TENM2: variants seen among roughly 807,000 people sequenced by gnomAD.
TENM2 encodes teneurin-2.
TENM2 carries 52 observed loss-of-function variants against 245.2 expected under a neutral mutation model. The ratio of observed to expected loss-of-function variants is 0.21; its 90% CI spans 0.17 to 0.27. The LOEUF is 0.27. Among genes scored for constraint, TENM2 ranks in the 10% least tolerant of loss-of-function variants. The pLI is 1.00. For synonymous variants in TENM2, 1,363 were observed against 1,438.9 expected (o/e 0.95, Z 1.19); for missense variants, 3,046 against 3,666.8 (o/e 0.83, Z 4.37).
rs564465023 is a variant in TENM2 at position 167,930,759 on chromosome 5, A to AT, written c.713-21817dup. On this transcript the variant is annotated intron_variant, in intron 3 of 28. Transcript: ENST00000518659. ...GAGTGAATCATTTCTAAAGAAGAGA[A>AT]TTTTTTTTTTTTAAAAAAGCATGAT... Among the ~76,000 whole-genome samples, 93 of 145,754 alleles carry AT rather than the reference A, an allele frequency of 6.4e-4. 1 individual carries two copies. The East Asian group carries it at 0.012, about 19-fold the overall frequency.
At chr5:167,888,488 T>G (rs1774476412) in intron 3 of TENM2, among the ~76,000 whole-genome samples, 1 of 151,178 alleles carries the variant, frequency 6.6e-6, no homozygotes, top group South Asian at 2.1e-4. Context: ...AAAAAAAAAG[T>G]GGAGGCAGAC....
intron 1 of TENM2, chr5:167,306,403 A>C (rs1211607615): frequency 6.6e-6 from 1 of 152,002 alleles, no homozygotes; most frequent in African/African-American, 2.4e-5. Flanking sequence ...AGTCATCCTT[A>C]GGGGACGATG....
the TENM2 span, among the ~76,000 whole-genome samples, chr5:167,146,081 G>C: frequency 6.6e-6 from 1 of 152,108 alleles, no homozygotes; most frequent in Admixed American, 6.5e-5. Context: ...GCTGCTTTTG[G>C]AACAAAGGCA....
the TENM2 span, among the ~76,000 whole-genome samples, chr5:167,099,097 T>C: frequency 1.3e-5 from 2 of 152,248 alleles, no homozygotes; most frequent in Non-Finnish European, 2.9e-5. Context: ...GTGTGGAATA[T>C]GAAGCCTGAC....
At chr5:167,675,632 T>C (rs1756265366) in intron 2 of TENM2, among the ~76,000 whole-genome samples, 1 of 152,088 alleles carries the variant, frequency 6.6e-6, no homozygotes, top group African/African-American at 2.4e-5. Flanking sequence ...TCTTGCACAG[T>C]GGATAAGGAG....
intron 3 of TENM2, among the ~76,000 whole-genome samples, chr5:167,949,946 T>A (rs1779947847): frequency 6.6e-6 from 1 of 152,212 alleles, no homozygotes; most frequent in Non-Finnish European, 1.5e-5. Context: ...GGAGAATGTC[T>A]TCCAATACCG....
At chr5:167,370,652 A>T (rs373211259) in intron 1 of TENM2, among the ~76,000 whole-genome samples, 1 of 152,274 alleles carries the variant, frequency 6.6e-6, no homozygotes, top group Non-Finnish European at 1.5e-5. Flanking sequence ...GGCAACAGCC[A>T]TAGAGCACAT....
At chr5:167,890,470 G>A (rs774104768) in intron 3 of TENM2, among the ~76,000 whole-genome samples, 4 of 152,058 alleles carry the variant, frequency 2.6e-5, no homozygotes, top group Non-Finnish European at 4.4e-5. Context: ...TCTGACCCTT[G>A]GTCAAAGGAG....
chr5:167,721,463 C>T (rs140183911), intron 2 of TENM2: 39 of 152,302 alleles, frequency 2.6e-4, no homozygotes, highest in African/African-American at 6.5e-4. Flanking sequence ...AGTTGGGTTT[C>T]GTCTCTTTCT....
At chr5:167,200,290 T>A in the TENM2 span, among the ~76,000 whole-genome samples, 1 of 152,066 alleles carries the variant, frequency 6.6e-6, no homozygotes, top group African/African-American at 2.4e-5. Context: ...CCTCTTCAAC[T>A]CATTTTCCCA....
intron 2 of TENM2, among the ~76,000 whole-genome samples, chr5:167,827,102 A>G (rs1022194880): frequency 6.6e-6 from 1 of 152,224 alleles, no homozygotes; most frequent in Non-Finnish European, 1.5e-5. Flanking sequence ...CTTCAGTTTC[A>G]TGTATGTTTC....
At chr5:168,162,237 A>G (rs967938232) in intron 12 of TENM2, among the ~76,000 whole-genome samples, 2 of 152,186 alleles carry the variant, frequency 1.3e-5, no homozygotes, top group African/African-American at 4.8e-5. Context: ...CTTCTTAAAA[A>G]AAGAGAGAAA....
At chr5:167,924,690 A>C (rs1460584565) in intron 3 of TENM2, among the ~76,000 whole-genome samples, 3 of 152,172 alleles carry the variant, frequency 2.0e-5, no homozygotes, top group Non-Finnish European at 4.4e-5. Flanking sequence ...GGAGAGCTTG[A>C]GATTGCACGT....
chr5:167,007,336 A>G, the TENM2 span, among the ~76,000 whole-genome samples: 7 of 152,312 alleles, frequency 4.6e-5, no homozygotes, highest in Admixed American at 2.0e-4. The surrounding 1 kb of genome is among the most constrained non-coding windows in gnomAD (Gnocchi z 4.2). Flanking sequence ...AAATATTTTA[A>G]TCTGAGTCTT....
chr5:167,224,259 A>C, the TENM2 span, among the ~76,000 whole-genome samples: 1 of 151,884 alleles, frequency 6.6e-6, no homozygotes, highest in African/African-American at 2.4e-5. Flanking sequence ...GGCATAAAGC[A>C]CTTGTCTAGA....
intron 2 of TENM2, among the ~76,000 whole-genome samples, chr5:167,757,975 C>T (rs1247294655): frequency 6.6e-6 from 1 of 152,150 alleles, no homozygotes; most frequent in Non-Finnish European, 1.5e-5. Context: ...GTGGCATGGA[C>T]AAATGCCCTT....
intron 5 of TENM2, among the ~76,000 whole-genome samples, chr5:168,042,117 C>T (rs1788242288): frequency 6.6e-6 from 1 of 152,128 alleles, no homozygotes; most frequent in Non-Finnish European, 1.5e-5. Context: ...TGTCATCCTA[C>T]CTGGTCTCTG....
chr5:167,668,329 A>T (rs1388900228), intron 2 of TENM2, among the ~76,000 whole-genome samples: 1 of 152,126 alleles, frequency 6.6e-6, no homozygotes, highest in Admixed American at 6.5e-5. Flanking sequence ...TGTGATATCA[A>T]GGTTTGTTGT....
chr5:167,537,208 T>A (rs1031010668), intron 2 of TENM2, among the ~76,000 whole-genome samples: 2 of 142,970 alleles, frequency 1.4e-5, no homozygotes, highest in Non-Finnish European at 3.0e-5. Context: ...GTACAGGAGT[T>A]TGAGACCAGC....
Sources: allele counts gnomAD v4.1 joint callset (sites outside exome capture counted in the v4.1 genomes callset), GRCh38; gene constraint gnomAD v4.1.1; non-coding constraint Gnocchi (gnomAD v3.1); transcripts MANE v1.5; gene names NCBI Gene and HGNC (gene_info 2026-07-23, HGNC 2026-07-21).